The following RTKN2 variants were observed in gnomAD, a reference collection of about 807,000 sequenced individuals.
RTKN2 encodes rhotekin-2.
RTKN2 carries 69 observed loss-of-function variants against 71.5 expected under a neutral mutation model. The ratio of observed to expected loss-of-function variants is 0.96; its 90% CI spans 0.79 to 1.18. The LOEUF (loss-of-function observed/expected upper bound fraction) is 1.18. Among genes scored for constraint, RTKN2 ranks in the 50% most tolerant of loss-of-function variants. RTKN2 has a pLI of 0.00. For synonymous variants in RTKN2, 236 were observed against 236.5 expected (o/e 1.00, Z 0.02); for missense variants, 724 against 719.7 (o/e 1.01, Z -0.07).
At chr10:62,212,113 A>T (rs79494731) in intron 9 of RTKN2, among the ~76,000 whole-genome samples, 74,037 of 151,518 alleles carry the variant, frequency 0.49, 20,385 homozygotes, top group East Asian at 0.86. Flanking sequence ...TTAAAAAAAA[A>T]ATATATATAT....
intron 3 of RTKN2, among the ~76,000 whole-genome samples, chr10:62,242,678 C>T (rs1000591119): frequency 7.9e-5 from 12 of 151,628 alleles, no homozygotes; most frequent in African/African-American, 2.7e-4. Flanking sequence ...TGCAATCGTG[C>T]GATCTCACTG....
intron 10 of RTKN2, 69 bp from the exon 11 acceptor site, chr10:62,199,930 TA>T: frequency 2.1e-6 from 2 of 952,446 alleles, no homozygotes; most frequent in South Asian, 3.0e-5. Context: ...TCATTTTTAA[TA>T]GATAGCAATA....
intron 2 of RTKN2, among the ~76,000 whole-genome samples, chr10:62,247,482 A>G (rs1362224565): frequency 6.6e-6 from 1 of 152,002 alleles, no homozygotes; most frequent in African/African-American, 2.4e-5. Context: ...TAATTACTTT[A>G]TGGCCATATC....
At chr10:62,251,648 G>A (rs1326373404) in intron 2 of RTKN2, among the ~76,000 whole-genome samples, 1 of 151,994 alleles carries the variant, frequency 6.6e-6, no homozygotes, top group Non-Finnish European at 1.5e-5. Flanking sequence ...AAAATATAAA[G>A]TAACAAAAAC....
chr10:62,219,390 A>C (rs1482327410), intron 7 of RTKN2, among the ~76,000 whole-genome samples: 1 of 152,174 alleles, frequency 6.6e-6, no homozygotes, highest in Non-Finnish European at 1.5e-5. Flanking sequence ...TTGAAGGACA[A>C]TTAAAAAGCA....
intron 8 of RTKN2, among the ~76,000 whole-genome samples, chr10:62,184,754 C>T (rs938159861): frequency 2.6e-5 from 4 of 152,076 alleles, no homozygotes; most frequent in Non-Finnish European, 4.4e-5. Context: ...TCTAGAGAAC[C>T]CTTTCTCAAC....
intron 2 of RTKN2, among the ~76,000 whole-genome samples, chr10:62,248,120 G>A (rs187096091): frequency 5.9e-5 from 9 of 152,008 alleles, no homozygotes; most frequent in Non-Finnish European, 1.0e-4. Context: ...TTTCTCCCCT[G>A]CAATTATAAA....
chr10:62,201,585 A>C lies in RTKN2; in HGVS notation c.1187-1724T>G, dbSNP rs1036215582. Among the ~76,000 whole-genome samples, 4 of 152,274 alleles carry C rather than the reference A, an allele frequency of 2.6e-5. No individual in the cohort carries two copies. The East Asian group carries it at 7.7e-4, about 29-fold the overall frequency. ...CTTCTTAGGGGCAGGAAAAAAACCC[A>C]TATCTAATGGAAAAATAATGAAACA... On this transcript the variant is annotated intron_variant, in intron 10 of 11. Transcript: ENST00000373789.
chr10:62,259,334 C>A (rs549804278), intron 2 of RTKN2: 17 of 257,702 alleles, frequency 6.6e-5, no homozygotes, highest in South Asian at 5.7e-4. Flanking sequence ...AATACAATAT[C>A]TTTCTCCATT....
chr10:62,265,731 T>C (rs1218092871), intron 1 of RTKN2, among the ~76,000 whole-genome samples: 1 of 152,182 alleles, frequency 6.6e-6, no homozygotes, highest in African/African-American at 2.4e-5. Flanking sequence ...CAAAACTCTT[T>C]AGAGTTGTCT....
At chr10:62,209,454 T>C (rs1202774219) in intron 9 of RTKN2, among the ~76,000 whole-genome samples, 1 of 151,822 alleles carries the variant, frequency 6.6e-6, no homozygotes, top group Non-Finnish European at 1.5e-5. Context: ...ACATATTCAT[T>C]ATTATTATTA....
chr10:62,233,682 C>T (rs1003453448), intron 6 of RTKN2, among the ~76,000 whole-genome samples: 4 of 152,060 alleles, frequency 2.6e-5, no homozygotes, highest in African/African-American at 9.7e-5. Flanking sequence ...TAACTGTGCA[C>T]TCAGTCACGA....
At chr10:62,256,883 A>T (rs182078597) in intron 2 of RTKN2, among the ~76,000 whole-genome samples, 1 of 152,292 alleles carries the variant, frequency 6.6e-6, no homozygotes, top group East Asian at 1.9e-4. Context: ...GGAATAAATG[A>T]CAATCTGGAA....
rs776630723 is a variant in RTKN2 at position 62,198,393 on chromosome 10, T to A, written c.1345A>T (p.Lys449Ter). Residue 449 changes from lysine to a stop codon, truncating the protein, a stop_gained, in exon 12 of 12, where the codon AAA becomes TAA. Transcript: ENST00000373789. LOFTEE classifies it high-confidence loss of function. Reference sequence around the variant, plus strand: ...AACTGCCCATTTGTCTCTTCAATTTTTTTTTGTATTATATCCGTTAAACTT... The same window carrying A: ...AACTGCCCATTTGTCTCTTCAATTTATTTTTGTATTATATCCGTTAAACTT... The part of the protein sequence containing the change: ...LESLTDIIQK[K>*]IEETNGQFLI... 3.1e-6 allele frequency: 5 copies of A among 1,591,390 alleles called. No homozygotes were observed. In the East Asian group the frequency reaches 1.1e-4, roughly 36 times the overall value.
chr10:62,240,979 C>G (rs1408343884), intron 4 of RTKN2, among the ~76,000 whole-genome samples, 163 bp downstream of exon 4: 1 of 152,162 alleles, frequency 6.6e-6, no homozygotes, highest in Non-Finnish European at 1.5e-5. Context: ...TATCAAGTGA[C>G]TGCAACATAT....
chr10:62,221,963 T>C (rs1841918082), intron 7 of RTKN2, among the ~76,000 whole-genome samples: 1 of 152,116 alleles, frequency 6.6e-6, no homozygotes, highest in Non-Finnish European at 1.5e-5. Flanking sequence ...TATAAAAACA[T>C]AACTTATTGA....
chr10:62,206,703 C>T (rs527805455), intron 9 of RTKN2, among the ~76,000 whole-genome samples: 1 of 151,910 alleles, frequency 6.6e-6, no homozygotes, highest in Non-Finnish European at 1.5e-5. Context: ...TAAAATTATA[C>T]ATTATATATG....
intron 9 of RTKN2, among the ~76,000 whole-genome samples, chr10:62,214,601 T>C (rs1841728776): frequency 6.6e-6 from 1 of 152,132 alleles, no homozygotes; most frequent in Admixed American, 6.6e-5. Flanking sequence ...TAGATCCTTG[T>C]CATCAGACTG....
chr10:62,223,397 G>C, intron 6 of RTKN2, 65 bp from the exon 7 acceptor site: 1 of 945,658 alleles, frequency 1.1e-6, no homozygotes. Flanking sequence ...CAAAATATTT[G>C]TATGTTCAAC....
Sources: gnomAD v4.1 joint callset for allele counts (sites outside exome capture counted in the v4.1 genomes callset) on GRCh38, gnomAD v4.1.1 for gene constraint, MANE v1.5 for transcripts, NCBI Gene and HGNC (gene_info 2026-07-23, HGNC 2026-07-21) for gene names.